MYO18B: variants seen among roughly 807,000 people sequenced by gnomAD.
MYO18B encodes the protein unconventional myosin-XVIIIb.
MYO18B carries 204 observed loss-of-function variants against 273.0 expected under a neutral mutation model. The ratio of observed to expected loss-of-function variants is 0.75; its 90% CI spans 0.67 to 0.84. The LOEUF (loss-of-function observed/expected upper bound fraction) is 0.84, where lower values mean the gene tolerates loss of function less well. MYO18B is among the 40% of genes least tolerant of loss of function. The probability of loss-of-function intolerance (pLI) is 0.00; values close to 1 mark genes in which losing one functional copy is unlikely to be tolerated. For synonymous variants in MYO18B, 1,330 were observed against 1,305.7 expected (o/e 1.02, Z -0.40); for missense variants, 3,212 against 3,287.6 (o/e 0.98, Z 0.56).
rs2146534840 is a variant in MYO18B, at chr22:25,750,137, C to G, written c.-110+7844C>G. Among the ~76,000 whole-genome samples, 4 of 152,258 alleles carry G rather than the reference C, an allele frequency of 2.6e-5. 1 individual carries two copies. The South Asian group carries it at 8.3e-4, about 32-fold the overall frequency. On this transcript the variant is annotated intron_variant, in intron 1 of 43. Transcript: ENST00000335473. ...CACTTTGAGGATAGCAACAGTGAAG[C>G]TGTTACTTTTCTGGGCCTGAACTGT...
In MYO18B at chr22:26,004,786, C is replaced by A. The variant is rs761465245; in HGVS notation, c.6401C>A (p.Ser2134Tyr). 3.7e-6 allele frequency: 6 copies of A among 1,613,932 alleles called. No individual in the cohort carries two copies. Among genetic ancestry groups the A allele is most frequent in the Non-Finnish European group, 5.1e-6 (6 of 1,179,840 alleles). Reference protein sequence around the residue: ...SLQSWLSCTLSLATDTMRTPS... With the variant: ...SLQSWLSCTLYLATDTMRTPS... ...CAGTCCTGGTTGAGCTGTACTCTGT[C>A]CCTGGCCACAGATACTATGAGGACT... is the stretch of plus-strand genomic sequence containing the variant. The change falls in exon 42 of 44, where the codon TCC (serine) becomes TAC (tyrosine). Residue 2134 changes from serine (S) to tyrosine (Y), a missense_variant. Physicochemically the swap from Ser to Tyr is moderately radical, Grantham distance 144. Coordinates refer to ENST00000335473, the MANE Select transcript of MYO18B (RefSeq NM_032608.7).
At chr22:25,817,698 T>C (rs2089097639) in intron 12 of MYO18B, among the ~76,000 whole-genome samples, 1 of 152,220 alleles carries the variant, frequency 6.6e-6, no homozygotes, top group Non-Finnish European at 1.5e-5. Context: ...TGAGGCCAAC[T>C]AAGTCTGAAC....
chr22:26,006,971 T>C (rs1391803263), intron 42 of MYO18B, among the ~76,000 whole-genome samples: 1 of 152,188 alleles, frequency 6.6e-6, no homozygotes, highest in African/African-American at 2.4e-5. Context: ...GTCTTACAGC[T>C]CCTGCAGTGG....
intron 30 of MYO18B, 193 bp downstream of exon 30, chr22:25,902,929 G>A: frequency 1.7e-6 from 1 of 598,858 alleles, no homozygotes; most frequent in Non-Finnish European, 2.8e-6. Flanking sequence ...CAGACTTTGA[G>A]CAAGATTGAT....
Position 25,990,713 on chromosome 22 carries a change from AAAAAAAAGAAAAAGAAAAAAAAAAAG to A in MYO18B, c.6157-1648_6157-1623del, listed in dbSNP as rs1569270740. Reference sequence around the variant, plus strand: ...AAAAAAAAAAAAAAAAAAAAAAAAAAAAAAAAAGAAAAAGAAAAAAAAAAAGACTCCAGGCTAAGAGAGGGGCTGTG... The same window carrying A: ...AAAAAAAAAAAAAAAAAAAAAAAAAAACTCCAGGCTAAGAGAGGGGCTGTG... On this transcript the variant is annotated intron_variant, in intron 39 of 43. Transcript: ENST00000335473. Among the ~76,000 whole-genome samples, 6 of 41,414 alleles carry A rather than the reference AAAAAAAAGAAAAAGAAAAAAAAAAAG, an allele frequency of 1.4e-4. 1 individual carries two copies. Among genetic ancestry groups the A allele is most frequent in the Admixed American group, 2.5e-4 (1 of 3,966 alleles). The allele number at this position is 41,414 out of a possible 152,430, so 27.2% of individuals were successfully genotyped here.
rs78013924 is a variant in MYO18B, at chr22:25,749,559, C to T, written c.-110+7266C>T. Among the ~76,000 whole-genome samples the T allele has an allele frequency of 1.5e-3, 235 of 152,268 alleles. 1 individual carries two copies. The highest frequency in any genetic ancestry group is 5.1e-3 in the African/African-American group (214 of 41,556). On this transcript the variant is annotated intron_variant, in intron 1 of 43. Transcript: ENST00000335473. ...CTCCCAGAGCCTTCCATTGGCCAAACGAGGGGAAGCCAGAGAGCAAGAGAG... is the reference window on the plus strand; with the variant it reads ...CTCCCAGAGCCTTCCATTGGCCAAATGAGGGGAAGCCAGAGAGCAAGAGAG...
chr22:25,885,950 A>T (rs6004810), intron 25 of MYO18B, among the ~76,000 whole-genome samples: 5 of 152,204 alleles, frequency 3.3e-5, no homozygotes, highest in African/African-American at 1.2e-4. Flanking sequence ...TCCAGAGCCT[A>T]TAGAGCCTTC....
the MYO18B span, among the ~76,000 whole-genome samples, chr22:26,055,364 T>TTC: frequency 1.8e-3 from 275 of 152,340 alleles, no homozygotes; most frequent in African/African-American, 6.3e-3. Flanking sequence ...AAGAGCCATG[T>TTC]TCTGGTCTTG....
chr22:25,827,766 G>T (rs548347628), intron 14 of MYO18B, among the ~76,000 whole-genome samples: 1 of 152,306 alleles, frequency 6.6e-6, no homozygotes, highest in South Asian at 2.1e-4. Flanking sequence ...AATGGGAAAT[G>T]AACTGCTGGC....
chr22:25,801,896 C>T (rs1040415847), intron 12 of MYO18B, among the ~76,000 whole-genome samples: 5 of 152,180 alleles, frequency 3.3e-5, no homozygotes, highest in African/African-American at 7.2e-5. Context: ...TTAGGTCTGC[C>T]TGAGCTCTGA....
chr22:25,893,274 A>G (rs1367414936), intron 27 of MYO18B, among the ~76,000 whole-genome samples: 3 of 152,222 alleles, frequency 2.0e-5, no homozygotes, highest in Non-Finnish European at 4.4e-5. Flanking sequence ...TGTGATATGC[A>G]CTCAGCGTGG....
At chr22:25,865,077 G>A (rs924427495) in intron 21 of MYO18B, among the ~76,000 whole-genome samples, 8 of 152,314 alleles carry the variant, frequency 5.3e-5, no homozygotes, top group African/African-American at 7.2e-5. Context: ...TAATTGTAAC[G>A]TTAAATGGGG....
intron 21 of MYO18B, among the ~76,000 whole-genome samples, chr22:25,859,052 C>T (rs555489530): frequency 6.6e-5 from 10 of 152,168 alleles, no homozygotes; most frequent in Non-Finnish European, 1.2e-4. Flanking sequence ...AGCAATTTAA[C>T]GTATTGACAT....
intron 21 of MYO18B, among the ~76,000 whole-genome samples, chr22:25,861,907 T>C (rs911768014): frequency 6.6e-6 from 1 of 152,190 alleles, no homozygotes; most frequent in Non-Finnish European, 1.5e-5. Context: ...CCTACCTTAG[T>C]GATACTACTG....
chr22:25,865,239 G>T (rs1315152783), intron 21 of MYO18B, among the ~76,000 whole-genome samples: 7 of 152,192 alleles, frequency 4.6e-5, no homozygotes, highest in Admixed American at 3.3e-4. Flanking sequence ...TTTAATACCT[G>T]CACTTACCCA....
chr22:25,881,754 C>T (rs966121373), intron 25 of MYO18B, among the ~76,000 whole-genome samples: 1 of 152,218 alleles, frequency 6.6e-6, no homozygotes, highest in Non-Finnish European at 1.5e-5. Flanking sequence ...GAATATTCTA[C>T]TCAGCCTCTT....
chr22:25,903,729 C>T lies in MYO18B; in HGVS notation c.5046C>T (p.Cys1682=), dbSNP rs539515659. 6.2e-5 allele frequency: 100 copies of T among 1,606,834 alleles called. No homozygotes were observed. The South Asian group carries it at 8.1e-4, about 13-fold the overall frequency. ...LLGSPSLGEN[C]VAGLKERLWK... is the part of the protein sequence containing the mutation. ...GGTCACCCTCTCTGGGGGAAAATTG[C>T]GTTGCTGGCTTGAAGGAGAGGCTCT... Residue 1682 remains cysteine (C), a synonymous_variant, in exon 31 of 44, where the codon TGC becomes TGT. Coordinates refer to ENST00000335473, the MANE Select transcript of MYO18B (RefSeq NM_032608.7).
intron 8 of MYO18B, among the ~76,000 whole-genome samples, chr22:25,778,170 AG>A (rs1176341583): frequency 6.6e-6 from 1 of 152,164 alleles, no homozygotes; most frequent in Non-Finnish European, 1.5e-5. Context: ...AACTGAACAG[AG>A]GACTCGAAGA....
chr22:25,756,956 G>T (rs186911862), intron 1 of MYO18B, among the ~76,000 whole-genome samples: 13 of 152,298 alleles, frequency 8.5e-5, no homozygotes, highest in Admixed American at 7.2e-4. Context: ...AGCTACTCAG[G>T]AGGCTGAGAC....
Sources: gnomAD v4.1 joint callset for allele counts (sites outside exome capture counted in the v4.1 genomes callset) on GRCh38, gnomAD v4.1.1 for gene constraint, MANE v1.5 for transcripts, NCBI Gene and HGNC (gene_info 2026-07-23, HGNC 2026-07-21) for gene names.